The following VWC2L variants were observed in gnomAD, a reference collection of about 807,000 sequenced individuals.
The protein encoded by VWC2L is von Willebrand factor C domain containing 2 like, also known as von Willebrand factor C domain-containing protein 2-like.
A neutral mutation model predicts 21.6 loss-of-function variants in VWC2L; 10 were observed. That is an observed-to-expected ratio of 0.46 (90% CI 0.29 to 0.78). The LOEUF (loss-of-function observed/expected upper bound fraction) is 0.78, where lower values mean the gene tolerates loss of function less well. VWC2L is among the 30% of genes least tolerant of loss of function. VWC2L has a pLI of 0.10. For missense variants in VWC2L, 209 were observed against 277.1 expected, an observed-to-expected ratio of 0.75 and a Z score of 1.74; for synonymous variants, 96 against 94.3, an observed-to-expected ratio of 1.02 and a Z score of -0.10.
chr2:214,575,953 T>C lies in VWC2L; in HGVS notation c.*133T>C. The C allele has an allele frequency of 1.0e-6, 1 of 983,330 alleles. No homozygotes were observed. The highest frequency in any genetic ancestry group is 1.5e-6 in the Non-Finnish European group (1 of 679,112). 60.9% of individuals were successfully genotyped at this position (983,330 alleles called of 1,614,324 possible). A position where few individuals can be genotyped will look rare whatever the true frequency, so the allele number is the denominator to read the frequency against. On this transcript the variant is annotated 3_prime_UTR_variant, in exon 4 of 4. Transcript: ENST00000312504. ...GGTCACCAGCAAAACTTTCTAGGGT[T>C]GACAAAAGTGAATATTTTCCTAAGA...
At position 214,577,536 on chromosome 2, in the gene VWC2L, G is replaced by T. The variant is rs1193538221; in HGVS notation, c.*1716G>T. The T allele has an allele frequency of 6.6e-6, 1 of 152,248 alleles. No homozygotes were observed. Among genetic ancestry groups the T allele is most frequent in the Non-Finnish European group, 1.5e-5 (1 of 68,122 alleles). The allele number at this position is 152,248 out of a possible 1,614,324, so 9.4% of individuals were successfully genotyped here. ...GGTCTAGAATAATCAGTATAGAGTG[G>T]TTTCTGGCAGGGGACACAGTAGGCA... On this transcript the variant is annotated 3_prime_UTR_variant, in exon 4 of 4. Transcript: ENST00000312504.
intron 3 of VWC2L, among the ~76,000 whole-genome samples, chr2:214,545,871 C>T (rs989204688): frequency 2.0e-5 from 3 of 152,154 alleles, no homozygotes; most frequent in African/African-American, 7.2e-5. Context: ...CTCACTCCCA[C>T]ACTGTAAAGG....
chr2:214,417,784 G>A (rs757644237), intron 2 of VWC2L, among the ~76,000 whole-genome samples: 1 of 152,086 alleles, frequency 6.6e-6, no homozygotes, highest in Non-Finnish European at 1.5e-5. Flanking sequence ...GTACATAGAT[G>A]ACCTAGTTAA....
chr2:214,474,578 ATCTC>A (rs1688477961), intron 3 of VWC2L, among the ~76,000 whole-genome samples: 1 of 152,162 alleles, frequency 6.6e-6, no homozygotes, highest in South Asian at 2.1e-4. Context: ...TTGTTCCCTG[ATCTC>A]TCTTTTTCAA....
In VWC2L at chr2:214,578,159, G is replaced by A. The variant is rs1347791009; in HGVS notation, c.*2339G>A. 6.6e-6 allele frequency: 1 copy of A among 152,110 alleles called. No homozygotes were observed. The highest frequency in any genetic ancestry group is 1.5e-5 in the Non-Finnish European group (1 of 68,012). The allele number at this position is 152,110 out of a possible 1,614,324, so 9.4% of individuals were successfully genotyped here. The stretch of plus-strand genomic sequence containing the variant: ...TAATAATAATAAATGACAGGAATAA[G>A]GTTTGAAACTCAGAAAATATCATTA... On this transcript the variant is annotated 3_prime_UTR_variant, in exon 4 of 4. Coordinates refer to ENST00000312504, the MANE Select transcript of VWC2L (RefSeq NM_001080500.4).
chr2:214,503,366 T>A (rs1469735723), intron 3 of VWC2L, among the ~76,000 whole-genome samples: 1 of 151,768 alleles, frequency 6.6e-6, no homozygotes, highest in Non-Finnish European at 1.5e-5. Flanking sequence ...GAAAAAAAAA[T>A]GTAAACTTAG....
intron 3 of VWC2L, among the ~76,000 whole-genome samples, chr2:214,460,533 A>G (rs1244726702): frequency 2.0e-5 from 3 of 151,544 alleles, no homozygotes; most frequent in African/African-American, 4.8e-5. Flanking sequence ...GTTCTGAAAT[A>G]TTTTTTTCTG....
intron 3 of VWC2L, among the ~76,000 whole-genome samples, chr2:214,563,788 G>C (rs892016037): frequency 6.6e-6 from 1 of 152,072 alleles, no homozygotes; most frequent in Non-Finnish European, 1.5e-5. Context: ...ACAAGACAAG[G>C]ATGACCTCTC....
intron 3 of VWC2L, among the ~76,000 whole-genome samples, chr2:214,557,756 A>G (rs1280985432): frequency 6.6e-6 from 1 of 152,150 alleles, no homozygotes; most frequent in Admixed American, 6.6e-5. Flanking sequence ...GCCTATTACT[A>G]TAGAAGAGGG....
chr2:214,518,105 G>T (rs965567656), intron 3 of VWC2L, among the ~76,000 whole-genome samples: 1 of 151,984 alleles, frequency 6.6e-6, no homozygotes, highest in Non-Finnish European at 1.5e-5. Flanking sequence ...GGCCGAGCTT[G>T]CAGTGAGCCA....
chr2:214,475,933 C>G (rs965869393), intron 3 of VWC2L, among the ~76,000 whole-genome samples: 1 of 152,122 alleles, frequency 6.6e-6, no homozygotes, highest in Non-Finnish European at 1.5e-5. Flanking sequence ...ATGTCCTGGG[C>G]CCCAGCCTGG....
intron 2 of VWC2L, among the ~76,000 whole-genome samples, chr2:214,432,933 A>G (rs1702621107): frequency 6.6e-6 from 1 of 151,818 alleles, no homozygotes; most frequent in South Asian, 2.1e-4. Flanking sequence ...GAGGCAGGAG[A>G]ATCACTTAAA....
intron 2 of VWC2L, among the ~76,000 whole-genome samples, chr2:214,417,506 T>C (rs1235854335): frequency 1.3e-5 from 2 of 152,176 alleles, no homozygotes; most frequent in African/African-American, 4.8e-5. Flanking sequence ...GAGCTGCCTG[T>C]TCTTCAAGAA....
chr2:214,468,783 A>G (rs1471921574), intron 3 of VWC2L, among the ~76,000 whole-genome samples: 1 of 152,184 alleles, frequency 6.6e-6, no homozygotes, highest in Non-Finnish European at 1.5e-5. Flanking sequence ...ACAAGCCACC[A>G]AACACAGCAT....
At chr2:214,483,678 C>A (rs554950755) in intron 3 of VWC2L, among the ~76,000 whole-genome samples, 3 of 152,140 alleles carry the variant, frequency 2.0e-5, no homozygotes, top group Non-Finnish European at 4.4e-5. Flanking sequence ...AATAACAGTA[C>A]GTGTGCTTGT....
At chr2:214,452,226 G>GCTCA (rs1474844351) in intron 3 of VWC2L, among the ~76,000 whole-genome samples, 1 of 152,106 alleles carries the variant, frequency 6.6e-6, no homozygotes, top group African/African-American at 2.4e-5. Flanking sequence ...CACAATCACA[G>GCTCA]CTCACTGCAG....
At chr2:214,525,580 C>G (rs573263571) in intron 3 of VWC2L, among the ~76,000 whole-genome samples, 1 of 152,222 alleles carries the variant, frequency 6.6e-6, no homozygotes, top group African/African-American at 2.4e-5. Context: ...GCATGGAACC[C>G]CCTGGAATTG....
chr2:214,567,535 C>A (rs1553602388), intron 3 of VWC2L, among the ~76,000 whole-genome samples: 1 of 141,678 alleles, frequency 7.1e-6, no homozygotes, highest in Non-Finnish European at 1.5e-5. Flanking sequence ...TCCATTCACC[C>A]CTTCATCCAC....
At chr2:214,533,653 C>G (rs1192234544) in intron 3 of VWC2L, among the ~76,000 whole-genome samples, 1 of 152,018 alleles carries the variant, frequency 6.6e-6, no homozygotes, top group Non-Finnish European at 1.5e-5. Context: ...CATATAAATG[C>G]AAATTCAGCC....
Sources: gnomAD v4.1 joint callset for allele counts (sites outside exome capture counted in the v4.1 genomes callset) on GRCh38, gnomAD v4.1.1 for gene constraint, MANE v1.5 for transcripts, NCBI Gene and HGNC (gene_info 2026-07-23, HGNC 2026-07-21) for gene names.